Variants in RALYL observed in about 807,000 individuals in gnomAD.
The protein encoded by RALYL is RALY RNA binding protein like, also known as RNA-binding Raly-like protein.
A neutral mutation model predicts 35.1 loss-of-function variants in RALYL; 29 were observed. That is an observed-to-expected ratio of 0.83 (90% CI 0.61 to 1.13). The LOEUF (loss-of-function observed/expected upper bound fraction) is 1.13. Ranked by LOEUF, RALYL falls within the 50% of genes most tolerant of loss-of-function variation. RALYL has a pLI of 0.00. For synonymous variants in RALYL, 120 were observed against 127.6 expected (o/e 0.94, Z 0.40); for missense variants, 359 against 360.4 (o/e 1.00, Z 0.03).
intron 2 of RALYL, among the ~76,000 whole-genome samples, chr8:84,598,005 C>T (rs1482397834): frequency 6.6e-6 from 1 of 152,106 alleles, no homozygotes; most frequent in Admixed American, 6.6e-5. Context: ...AACCTAGCCT[C>T]CTGAGCATGA....
At chr8:84,247,888 T>C (rs896944708) in intron 1 of RALYL, among the ~76,000 whole-genome samples, 2 of 152,136 alleles carry the variant, frequency 1.3e-5, no homozygotes, top group African/African-American at 4.8e-5. Context: ...TTAATTTGTG[T>C]GTCTTCAGAA....
At chr8:84,417,966 A>G (rs2044924597) in intron 1 of RALYL, among the ~76,000 whole-genome samples, 1 of 152,216 alleles carries the variant, frequency 6.6e-6, no homozygotes, top group Admixed American at 6.5e-5. Flanking sequence ...ACTTGAAGAC[A>G]TAGAGATCTT....
chr8:84,849,598 G>A (rs904113619), intron 4 of RALYL, among the ~76,000 whole-genome samples: 2 of 149,488 alleles, frequency 1.3e-5, no homozygotes, highest in Non-Finnish European at 3.0e-5. Flanking sequence ...GCTCTGTGTC[G>A]CCCAGGCTGG....
intron 4 of RALYL, among the ~76,000 whole-genome samples, chr8:84,811,062 T>C (rs1825791611): frequency 6.6e-6 from 1 of 151,806 alleles, no homozygotes; most frequent in Non-Finnish European, 1.5e-5. Context: ...CTTGGTTTTG[T>C]TTTTTGTTTT....
intron 4 of RALYL, among the ~76,000 whole-genome samples, chr8:84,841,020 A>T (rs976944604): frequency 2.4e-4 from 37 of 152,364 alleles, no homozygotes; most frequent in African/African-American, 8.9e-4. Flanking sequence ...AACATGTCAA[A>T]TTGTAAAGAC....
intron 3 of RALYL, among the ~76,000 whole-genome samples, chr8:84,780,883 G>T (rs1161831639): frequency 6.6e-6 from 1 of 152,018 alleles, no homozygotes; most frequent in Non-Finnish European, 1.5e-5. Context: ...TTTAAGACAG[G>T]GTCTCGCTTC....
At chr8:84,192,489 G>T (rs1459053912) in intron 1 of RALYL, among the ~76,000 whole-genome samples, 1 of 152,064 alleles carries the variant, frequency 6.6e-6, no homozygotes, top group East Asian at 1.9e-4. Context: ...GAAAACAGAT[G>T]ATATTAGCAG....
At chr8:84,843,584 CA>C (rs1327524378) in intron 4 of RALYL, among the ~76,000 whole-genome samples, 1 of 152,152 alleles carries the variant, frequency 6.6e-6, no homozygotes, top group Non-Finnish European at 1.5e-5. Context: ...ATCAAGCTAC[CA>C]ATGACTTTCT....
chr8:84,862,112 C>A (rs1464455459), intron 5 of RALYL, among the ~76,000 whole-genome samples, 184 bp from the exon 6 acceptor site: 1 of 152,206 alleles, frequency 6.6e-6, no homozygotes, highest in Non-Finnish European at 1.5e-5. Context: ...ACTATATTAG[C>A]ATCTATTTTC....
At chr8:84,362,657 A>T (rs1294333980) in intron 1 of RALYL, among the ~76,000 whole-genome samples, 1 of 152,112 alleles carries the variant, frequency 6.6e-6, no homozygotes, top group Non-Finnish European at 1.5e-5. Flanking sequence ...ATCTGAGGTG[A>T]AACACTTTTA....
chr8:84,777,239 C>G (rs1190611943), intron 3 of RALYL, among the ~76,000 whole-genome samples: 1 of 152,150 alleles, frequency 6.6e-6, no homozygotes, highest in Non-Finnish European at 1.5e-5. Flanking sequence ...GTCTAGTATT[C>G]TCACCACTAG....
chr8:84,764,935 G>A (rs953869832), intron 2 of RALYL, among the ~76,000 whole-genome samples: 1 of 152,194 alleles, frequency 6.6e-6, no homozygotes, highest in Non-Finnish European at 1.5e-5. Context: ...CGCTCAAAAT[G>A]CTACAAATGT....
At chr8:84,596,029 G>T (rs1814448269) in intron 2 of RALYL, among the ~76,000 whole-genome samples, 1 of 152,132 alleles carries the variant, frequency 6.6e-6, no homozygotes, top group East Asian at 1.9e-4. Context: ...TATGAGATTT[G>T]CTCAGCTAAG....
chr8:84,581,544 T>A (rs1380889225), intron 2 of RALYL, among the ~76,000 whole-genome samples: 1 of 152,188 alleles, frequency 6.6e-6, no homozygotes, highest in Non-Finnish European at 1.5e-5. Context: ...GCACATTGGA[T>A]GTGCTCAATA....
intron 8 of RALYL, among the ~76,000 whole-genome samples, chr8:84,909,434 C>T (rs1325667942): frequency 1.3e-5 from 2 of 152,092 alleles, no homozygotes; most frequent in African/African-American, 2.4e-5. Flanking sequence ...GAAATAGATA[C>T]AAATAATTTT....
intron 2 of RALYL, among the ~76,000 whole-genome samples, chr8:84,647,007 A>T (rs1452518506): frequency 6.6e-6 from 1 of 152,032 alleles, no homozygotes; most frequent in Non-Finnish European, 1.5e-5. Flanking sequence ...GGCAATGGAA[A>T]TACTTCCTAG....
intron 1 of RALYL, among the ~76,000 whole-genome samples, chr8:84,289,350 T>C (rs1255221859): frequency 6.6e-6 from 1 of 152,118 alleles, no homozygotes; most frequent in Non-Finnish European, 1.5e-5. Context: ...AAAAATGCTG[T>C]AAGAAAAGGG....
At chr8:84,189,700 A>G (rs997268858) in intron 1 of RALYL, among the ~76,000 whole-genome samples, 2 of 150,802 alleles carry the variant, frequency 1.3e-5, no homozygotes, top group African/African-American at 4.9e-5. Context: ...CTACACAGAT[A>G]TGCTTCATTT....
At chr8:84,438,247 G>A (rs1039098142) in intron 1 of RALYL, among the ~76,000 whole-genome samples, 1 of 152,050 alleles carries the variant, frequency 6.6e-6, no homozygotes, top group African/African-American at 2.4e-5. Context: ...CTGTGCAGAG[G>A]CTCTTTAGTT....
Sources: gnomAD v4.1 joint callset for allele counts (sites outside exome capture counted in the v4.1 genomes callset) on GRCh38, gnomAD v4.1.1 for gene constraint, MANE v1.5 for transcripts, NCBI Gene and HGNC (gene_info 2026-07-23, HGNC 2026-07-21) for gene names.